The following MARK3 variants were observed in gnomAD, a reference collection of about 807,000 sequenced individuals.
The protein encoded by MARK3 is microtubule affinity regulating kinase 3.
A neutral mutation model predicts 90.1 loss-of-function variants in MARK3; 46 were observed. The ratio of observed to expected loss-of-function variants is 0.51; its 90% CI spans 0.40 to 0.65. The LOEUF is 0.65. MARK3 is among the 30% of genes least tolerant of loss of function. The probability of loss-of-function intolerance (pLI) is 0.00; values close to 1 mark genes in which losing one functional copy is unlikely to be tolerated. For synonymous variants in MARK3, 321 were observed against 332.6 expected, an observed-to-expected ratio of 0.97 and a Z score of 0.38; for missense variants, 818 against 947.2, an observed-to-expected ratio of 0.86 and a Z score of 1.79.
intron 6 of MARK3, among the ~76,000 whole-genome samples, chr14:103,461,085 A>G (rs913292150): frequency 2.6e-5 from 4 of 152,142 alleles, no homozygotes; most frequent in Admixed American, 6.5e-5. Context: ...CAGCCCTCTG[A>G]GATTTTATGT....
In MARK3 at chr14:103,474,996, GACC is replaced by G; in HGVS notation, c.1270_1272del (p.Pro424del). The G allele has an allele frequency of 6.2e-7, 1 of 1,609,064 alleles. No homozygotes were observed. The highest frequency in any genetic ancestry group is 8.5e-7 in the Non-Finnish European group (1 of 1,175,778). ...AAAAATGAACTCTTTATTTTAGCTG[GACC>G]AGCTATTCCTTCTGTTGTGGCGTAT... On this transcript the variant is annotated inframe_deletion, in exon 13 of 18. Coordinates refer to ENST00000429436, the MANE Select transcript of MARK3 (RefSeq NM_001128918.3).
chr14:103,446,049 T>A (rs566240943), intron 3 of MARK3, among the ~76,000 whole-genome samples: 1 of 152,314 alleles, frequency 6.6e-6, no homozygotes, highest in African/African-American at 2.4e-5. Flanking sequence ...GCATGCTCCC[T>A]GTGGGTGACA....
chr14:103,407,332 C>A (rs1225011906), intron 2 of MARK3, among the ~76,000 whole-genome samples: 1 of 152,070 alleles, frequency 6.6e-6, no homozygotes, highest in Non-Finnish European at 1.5e-5. Flanking sequence ...ATATTATTGT[C>A]AATATTTACA....
chr14:103,393,353 A>C (rs2090386487), intron 1 of MARK3, among the ~76,000 whole-genome samples: 2 of 152,146 alleles, frequency 1.3e-5, no homozygotes, highest in Non-Finnish European at 2.9e-5. Flanking sequence ...ATCAGAAAAA[A>C]GTTGGCCTAT....
intron 15 of MARK3, among the ~76,000 whole-genome samples, chr14:103,496,624 G>A (rs1267446079): frequency 1.3e-5 from 2 of 151,884 alleles, no homozygotes; most frequent in Non-Finnish European, 2.9e-5. Flanking sequence ...TGTTGGCCAG[G>A]CTGGTCACAA....
chr14:103,502,097 G>A (rs960480444), intron 17 of MARK3, among the ~76,000 whole-genome samples: 26 of 152,206 alleles, frequency 1.7e-4, no homozygotes, highest in Non-Finnish European at 2.8e-4. Flanking sequence ...GCCAAGGAGT[G>A]GCTGGTAAAC....
At chr14:103,480,267 C>A in intron 13 of MARK3, 120 bp from the exon 14 acceptor site, 1 of 659,316 alleles carries the variant, frequency 1.5e-6, no homozygotes, top group African/African-American at 1.8e-5. Context: ...AGAGTAAGAC[C>A]TTGCCTCAAA....
chr14:103,437,626 A>G (rs1381616393), intron 3 of MARK3, among the ~76,000 whole-genome samples: 4 of 152,124 alleles, frequency 2.6e-5, no homozygotes, highest in Non-Finnish European at 4.4e-5. Flanking sequence ...TTATTATGCT[A>G]TTTTAGAAAA....
intron 2 of MARK3, among the ~76,000 whole-genome samples, chr14:103,424,973 G>A (rs958622503): frequency 2.6e-5 from 4 of 151,820 alleles, no homozygotes; most frequent in South Asian, 2.1e-4. Context: ...AGGGAGTCTC[G>A]CTGTCTTGCC....
chr14:103,420,657 A>G (rs1351557243), intron 2 of MARK3, among the ~76,000 whole-genome samples: 2 of 152,136 alleles, frequency 1.3e-5, no homozygotes, highest in African/African-American at 4.8e-5. Context: ...ACCACTATTC[A>G]TTTCCAGGCA....
intron 3 of MARK3, among the ~76,000 whole-genome samples, chr14:103,447,574 T>C (rs1394244611): frequency 1.3e-5 from 2 of 152,198 alleles, no homozygotes; most frequent in African/African-American, 4.8e-5. Context: ...TCTTTTTCTT[T>C]CTTTTCCTGG....
At chr14:103,448,245 G>A (rs547384363) in intron 3 of MARK3, among the ~76,000 whole-genome samples, 3 of 152,218 alleles carry the variant, frequency 2.0e-5, no homozygotes, top group South Asian at 4.1e-4. Flanking sequence ...AAGCCATGAC[G>A]CCCAAGCATT....
At chr14:103,403,411 A>T (rs2091090686) in intron 1 of MARK3, among the ~76,000 whole-genome samples, 1 of 151,856 alleles carries the variant, frequency 6.6e-6, no homozygotes. Flanking sequence ...GAAGAAATTC[A>T]GAAGATAAAA....
chr14:103,459,947 C>T (rs1256958658), intron 6 of MARK3, among the ~76,000 whole-genome samples: 6 of 151,866 alleles, frequency 4.0e-5, no homozygotes, highest in Non-Finnish European at 7.4e-5. Flanking sequence ...TTTCCATATT[C>T]ATCACCAGAT....
At chr14:103,471,110 G>C (rs2093618546) in intron 12 of MARK3, among the ~76,000 whole-genome samples, 1 of 152,108 alleles carries the variant, frequency 6.6e-6, no homozygotes, top group Non-Finnish European at 1.5e-5. Context: ...TCACTAACAA[G>C]GGGGGTTTCT....
At chr14:103,492,139 C>A in intron 15 of MARK3, 105 bp downstream of exon 15, 1 of 1,304,826 alleles carries the variant, frequency 7.7e-7, no homozygotes, top group Non-Finnish European at 1.0e-6. Context: ...TTTCAGTCTG[C>A]CTTCAGCTCA....
intron 3 of MARK3, among the ~76,000 whole-genome samples, chr14:103,442,259 A>G (rs1176732484): frequency 6.6e-6 from 1 of 152,044 alleles, no homozygotes; most frequent in Non-Finnish European, 1.5e-5. Context: ...AGTCCTAGCT[A>G]CTGGGGAGGC....
At chr14:103,470,453 C>CAATTTTTTTTTTTTTTTTTTTTTT (rs1299534465) in intron 12 of MARK3, among the ~76,000 whole-genome samples, 51 of 24,190 alleles carry the variant, frequency 2.1e-3, no homozygotes, top group Non-Finnish European at 3.2e-3. Context: ...GGAACTAAAT[C>CAATTTTTTTTTTTTTTTTTTTTTT]TATTTTTTTT....
intron 6 of MARK3, chr14:103,458,913 C>T: frequency 4.5e-6 from 2 of 448,050 alleles, no homozygotes; most frequent in African/African-American, 2.0e-5. Flanking sequence ...TCAGCTTTGG[C>T]TATCATTTAA....
Sources: allele counts gnomAD v4.1 joint callset (sites outside exome capture counted in the v4.1 genomes callset), GRCh38; gene constraint gnomAD v4.1.1; transcripts MANE v1.5; gene names NCBI Gene and HGNC (gene_info 2026-07-23, HGNC 2026-07-21).